ERC2: variants seen among roughly 807,000 people sequenced by gnomAD.
ERC2 encodes ELKS/RAB6-interacting/CAST family member 2.
In ERC2, 42 loss-of-function variants were observed where a neutral mutation model predicts 114.8. The ratio of observed to expected loss-of-function variants is 0.37; its 90% CI spans 0.29 to 0.47. ERC2 has a LOEUF of 0.47. ERC2 is among the 20% of genes least tolerant of loss of function. The pLI is 0.99. For synonymous variants in ERC2, 454 were observed against 425.5 expected (o/e 1.07, Z -0.82); for missense variants, 939 against 1,150.7 (o/e 0.82, Z 2.66).
intron 13 of ERC2, among the ~76,000 whole-genome samples, chr3:55,916,002 A>G (rs1020249964): frequency 6.6e-6 from 1 of 152,196 alleles, no homozygotes; most frequent in Non-Finnish European, 1.5e-5. Context: ...TAGTATTTGT[A>G]ATAAGGCCAT....
intron 13 of ERC2, among the ~76,000 whole-genome samples, chr3:55,942,146 G>A (rs375337286): frequency 1.3e-4 from 19 of 151,992 alleles, no homozygotes; most frequent in African/African-American, 4.6e-4. Flanking sequence ...CTTGGGATCT[G>A]GTCTCCCCTC....
intron 2 of ERC2, among the ~76,000 whole-genome samples, chr3:56,323,314 G>C (rs1263033297): frequency 6.6e-6 from 1 of 152,166 alleles, no homozygotes; most frequent in Non-Finnish European, 1.5e-5. Flanking sequence ...AGGAAATAAT[G>C]CTTGGAGCTC....
At position 55,691,931 on chromosome 3, in the gene ERC2, C is replaced by T. The variant is rs79069998; in HGVS notation, c.2847+7447G>A. Among the ~76,000 whole-genome samples the T allele has an allele frequency of 1.3e-4, 20 of 152,156 alleles. No homozygotes were observed. The East Asian group carries it at 3.9e-3, about 29-fold the overall frequency. On this transcript the variant is annotated intron_variant, in intron 16 of 17. Coordinates refer to ENST00000288221, the MANE Select transcript of ERC2 (RefSeq NM_015576.3). The stretch of plus-strand genomic sequence containing the variant: ...GAAATTCTTCCATATGTGGAAAAGT[C>T]GTCAGTTCATCTGACATAGAGCAAT...
At chr3:55,860,688 G>A (rs927197134) in intron 14 of ERC2, among the ~76,000 whole-genome samples, 2 of 152,172 alleles carry the variant, frequency 1.3e-5, no homozygotes, top group South Asian at 2.1e-4. Context: ...TGAGGTAAGA[G>A]TTGTGAGCTT....
At chr3:56,058,227 C>T (rs1290525082) in intron 7 of ERC2, among the ~76,000 whole-genome samples, 1 of 152,170 alleles carries the variant, frequency 6.6e-6, no homozygotes, top group Non-Finnish European at 1.5e-5. Flanking sequence ...GGAGACATAC[C>T]CTGACAAGGT....
At chr3:56,225,490 A>G (rs1273120302) in intron 3 of ERC2, among the ~76,000 whole-genome samples, 3 of 152,228 alleles carry the variant, frequency 2.0e-5, no homozygotes, top group Non-Finnish European at 1.5e-5. Flanking sequence ...CTTCTTATTT[A>G]CCAATGAAAA....
At chr3:55,943,359 A>C (rs1576301921) in intron 13 of ERC2, among the ~76,000 whole-genome samples, 1 of 152,140 alleles carries the variant, frequency 6.6e-6, no homozygotes, top group Admixed American at 6.5e-5. Context: ...AATAGAATAG[A>C]AGAAGATATA....
chr3:56,359,360 A>C (rs947972875), intron 2 of ERC2, among the ~76,000 whole-genome samples: 7 of 152,262 alleles, frequency 4.6e-5, no homozygotes, highest in African/African-American at 7.2e-5. Flanking sequence ...TGAAAAAGAA[A>C]GGCCTAGGAG....
intron 1 of ERC2, among the ~76,000 whole-genome samples, chr3:56,461,449 C>T (rs981019380): frequency 1.3e-5 from 2 of 152,104 alleles, no homozygotes; most frequent in Non-Finnish European, 1.5e-5. Flanking sequence ...CACACATTTC[C>T]GTAATCATTG....
intron 14 of ERC2, among the ~76,000 whole-genome samples, chr3:55,873,254 G>A (rs1015109545): frequency 4.6e-5 from 7 of 152,150 alleles, no homozygotes; most frequent in Admixed American, 1.3e-4. Flanking sequence ...ACATCCAAAT[G>A]TATTCTCCTC....
intron 3 of ERC2, among the ~76,000 whole-genome samples, chr3:56,229,109 A>G (rs775950298): frequency 3.3e-5 from 5 of 152,194 alleles, no homozygotes; most frequent in Non-Finnish European, 7.3e-5. Flanking sequence ...TTTGGCATAT[A>G]TTTACCAAGT....
At chr3:55,824,815 G>A (rs1559716093) in intron 14 of ERC2, among the ~76,000 whole-genome samples, 2 of 152,152 alleles carry the variant, frequency 1.3e-5, no homozygotes, top group Admixed American at 6.6e-5. Context: ...TGTGGATCCC[G>A]TTCTAAATTT....
Position 56,010,450 on chromosome 3 carries a change from T to A in ERC2, c.1919A>T (p.Glu640Val). The A allele has an allele frequency of 6.2e-7, 1 of 1,612,652 alleles. No individual in the cohort carries two copies. Among genetic ancestry groups the A allele is most frequent in the Non-Finnish European group, 8.5e-7 (1 of 1,179,382 alleles). Reference protein sequence around the residue: ...NALQAELTEKESSLIDLKEHA... With the variant: ...NALQAELTEKVSSLIDLKEHA... ...GTTCATTTGTTTTTCCAGACTCACCTCTTTCTCAGTCAGTTCAGCCTGTAA... is the reference window on the plus strand; with the variant it reads ...GTTCATTTGTTTTTCCAGACTCACCACTTTCTCAGTCAGTTCAGCCTGTAA... Residue 640 changes from glutamate (E) to valine (V), a missense_variant and splice_region_variant, in exon 9 of 18, where the codon GAG becomes GTG. Physicochemically the swap from Glu to Val is moderately radical, Grantham distance 121. Transcript: ENST00000288221.
rs1456483687 is a variant in ERC2, at chr3:55,934,188, G to A, written c.2403+16237C>T. Among the ~76,000 whole-genome samples the A allele has an allele frequency of 2.0e-5, 3 of 152,160 alleles. No individual in the cohort carries two copies. The East Asian group carries it at 5.8e-4, about 29-fold the overall frequency. ...AAGTTCTAAAAATTTATGATGCTGG[G>A]AAAAAGTATACAAAGACATAAATCT... On this transcript the variant is annotated intron_variant, in intron 13 of 17. Coordinates refer to ENST00000288221, the MANE Select transcript of ERC2 (RefSeq NM_015576.3).
At chr3:56,412,485 C>A (rs542251697) in intron 2 of ERC2, among the ~76,000 whole-genome samples, 2 of 152,236 alleles carry the variant, frequency 1.3e-5, no homozygotes, top group Non-Finnish European at 2.9e-5. Context: ...TTCATTGGCA[C>A]GCTGTCAAGC....
At chr3:55,806,745 C>T (rs2059508698) in intron 14 of ERC2, among the ~76,000 whole-genome samples, 1 of 152,248 alleles carries the variant, frequency 6.6e-6, no homozygotes, top group Middle Eastern at 3.4e-3. Flanking sequence ...AAGCTTGACT[C>T]GAAAATCATA....
chr3:55,590,513 A>C (rs2057820673), intron 17 of ERC2, among the ~76,000 whole-genome samples: 1 of 152,230 alleles, frequency 6.6e-6, no homozygotes, highest in African/African-American at 2.4e-5. Flanking sequence ...AAAAGGACAT[A>C]ACTGAATAAA....
chr3:56,336,405 G>C (rs980719417), intron 2 of ERC2, among the ~76,000 whole-genome samples: 10 of 152,208 alleles, frequency 6.6e-5, no homozygotes, highest in African/African-American at 2.4e-4. Flanking sequence ...CATTCGAGCA[G>C]TCTAAGTCTT....
chr3:56,283,985 C>A (rs1389913230), intron 3 of ERC2, among the ~76,000 whole-genome samples: 1 of 152,148 alleles, frequency 6.6e-6, no homozygotes, highest in Non-Finnish European at 1.5e-5. Flanking sequence ...CTGCAAGATT[C>A]TCTGCAAAAA....
Sources: gnomAD v4.1 joint callset for allele counts (sites outside exome capture counted in the v4.1 genomes callset) on GRCh38, gnomAD v4.1.1 for gene constraint, MANE v1.5 for transcripts, NCBI Gene and HGNC (gene_info 2026-07-23, HGNC 2026-07-21) for gene names.